The following ARHGAP42 variants were observed in gnomAD, a reference collection of about 807,000 sequenced individuals.
The protein encoded by ARHGAP42 is Rho GTPase activating protein 42, also known as rho GTPase-activating protein 42.
ARHGAP42 carries 63 observed loss-of-function variants against 125.0 expected under a neutral mutation model. The ratio of observed to expected loss-of-function variants is 0.50; its 90% CI spans 0.41 to 0.62. ARHGAP42 has a LOEUF of 0.62. Ranked by LOEUF, ARHGAP42 falls within the 20% of genes least tolerant of loss-of-function variation. ARHGAP42 has a pLI of 0.00. For missense variants in ARHGAP42, 766 were observed against 1,024.2 expected, an observed-to-expected ratio of 0.75 and a Z score of 3.44; for synonymous variants, 339 against 351.0, an observed-to-expected ratio of 0.97 and a Z score of 0.38.
intron 21 of ARHGAP42, 25 bp downstream of exon 21, chr11:100,976,996 T>C: frequency 6.5e-7 from 1 of 1,550,300 alleles, no homozygotes; most frequent in East Asian, 2.4e-5. Context: ...GTATATTTGC[T>C]GTGTCTCCCA....
At chr11:100,786,973 T>C (rs1362990851) in intron 2 of ARHGAP42, among the ~76,000 whole-genome samples, 1 of 152,222 alleles carries the variant, frequency 6.6e-6, no homozygotes, top group Admixed American at 6.5e-5. Flanking sequence ...TCATGAAGTC[T>C]GTTGGTTTAA....
chr11:100,819,525 T>C (rs77305222), intron 3 of ARHGAP42, among the ~76,000 whole-genome samples: 1,814 of 152,234 alleles, frequency 0.012, 33 homozygotes, highest in African/African-American at 0.04. Context: ...TTGCAATGTT[T>C]TAGGAGAGGT....
intron 12 of ARHGAP42, among the ~76,000 whole-genome samples, chr11:100,953,685 A>T (rs1228019213): frequency 6.6e-6 from 1 of 152,124 alleles, no homozygotes; most frequent in Non-Finnish European, 1.5e-5. Context: ...GGATGCCATA[A>T]ATGAGACTTG....
chr11:100,968,523 T>C (rs982338723), intron 17 of ARHGAP42, among the ~76,000 whole-genome samples: 3 of 152,172 alleles, frequency 2.0e-5, no homozygotes, highest in Non-Finnish European at 4.4e-5. Context: ...TGTGCTATCA[T>C]TAATAAACAT....
At chr11:100,784,234 A>T (rs1863380599) in intron 2 of ARHGAP42, among the ~76,000 whole-genome samples, 1 of 152,238 alleles carries the variant, frequency 6.6e-6, no homozygotes, top group East Asian at 1.9e-4. Context: ...TCTTGGACTA[A>T]GTTACATAGG....
intron 3 of ARHGAP42, among the ~76,000 whole-genome samples, chr11:100,815,672 A>C (rs1864250850): frequency 6.6e-6 from 1 of 152,204 alleles, no homozygotes; most frequent in African/African-American, 2.4e-5. Context: ...ATTCCATATA[A>C]TGTACCATCT....
At chr11:100,729,999 C>T (rs979090654) in intron 1 of ARHGAP42, among the ~76,000 whole-genome samples, 1 of 151,774 alleles carries the variant, frequency 6.6e-6, no homozygotes, top group Non-Finnish European at 1.5e-5. Flanking sequence ...TTAGTAGAGA[C>T]GAGGTTTCAT....
At chr11:100,947,004 T>C (rs2135279695) in intron 10 of ARHGAP42, among the ~76,000 whole-genome samples, 1 of 151,024 alleles carries the variant, frequency 6.6e-6, no homozygotes, top group East Asian at 1.9e-4. Flanking sequence ...TGCTGTAAAC[T>C]GTGTTGACTC....
chr11:100,759,744 G>A (rs2120354490), intron 1 of ARHGAP42, among the ~76,000 whole-genome samples: 1 of 152,230 alleles, frequency 6.6e-6, no homozygotes, highest in South Asian at 2.1e-4. Flanking sequence ...TGCCTCAGAG[G>A]AAATATCAGG....
At chr11:100,773,235 T>A (rs907614060) in intron 2 of ARHGAP42, among the ~76,000 whole-genome samples, 1 of 152,220 alleles carries the variant, frequency 6.6e-6, no homozygotes, top group South Asian at 2.1e-4. Context: ...CAGATCCTAA[T>A]AGTAGACCCT....
intron 6 of ARHGAP42, among the ~76,000 whole-genome samples, chr11:100,929,376 A>G (rs1326537854): frequency 6.6e-6 from 1 of 152,140 alleles, no homozygotes; most frequent in African/African-American, 2.4e-5. Context: ...CAGCCCAGGG[A>G]TTGGGGACCC....
At chr11:100,842,887 A>G (rs1864974440) in intron 3 of ARHGAP42, among the ~76,000 whole-genome samples, 1 of 152,152 alleles carries the variant, frequency 6.6e-6, no homozygotes, top group Non-Finnish European at 1.5e-5. Context: ...ACAAACAGAC[A>G]ATCTAAGATC....
At chr11:100,939,833 A>AG (rs2135270032) in intron 8 of ARHGAP42, among the ~76,000 whole-genome samples, 2 of 152,308 alleles carry the variant, frequency 1.3e-5, no homozygotes, top group South Asian at 4.1e-4. Flanking sequence ...TAAATGCAGG[A>AG]GGTCCTGAAC....
chr11:100,690,519 T>C (rs1021495337), intron 1 of ARHGAP42, among the ~76,000 whole-genome samples: 3 of 152,226 alleles, frequency 2.0e-5, no homozygotes, highest in Non-Finnish European at 4.4e-5. Flanking sequence ...AGATTTCAAT[T>C]GAACTAGATA....
chr11:100,872,331 T>G (rs1198054714), intron 4 of ARHGAP42, among the ~76,000 whole-genome samples: 1 of 152,212 alleles, frequency 6.6e-6, no homozygotes, highest in Non-Finnish European at 1.5e-5. Context: ...CCTAGTAGAC[T>G]TTTTGGTGAG....
intron 6 of ARHGAP42, 55 bp downstream of exon 6, chr11:100,921,659 A>C (rs1867273182): frequency 9.3e-7 from 1 of 1,077,830 alleles, no homozygotes; most frequent in Non-Finnish European, 1.3e-6. Flanking sequence ...ATGGAAAAAA[A>C]GTACACTGTT....
chr11:100,974,882 C>G (rs1858348500), intron 19 of ARHGAP42, among the ~76,000 whole-genome samples: 1 of 152,124 alleles, frequency 6.6e-6, no homozygotes, highest in Non-Finnish European at 1.5e-5. Flanking sequence ...GTAGCAGGTT[C>G]TGTCCTATTG....
intron 4 of ARHGAP42, among the ~76,000 whole-genome samples, chr11:100,876,702 A>G (rs1325313907): frequency 6.6e-6 from 1 of 152,200 alleles, no homozygotes; most frequent in African/African-American, 2.4e-5. Context: ...CAAGCAATAT[A>G]TTTGCAACTG....
At chr11:100,825,336 C>G (rs895828147) in intron 3 of ARHGAP42, among the ~76,000 whole-genome samples, 5 of 152,024 alleles carry the variant, frequency 3.3e-5, no homozygotes, top group Non-Finnish European at 5.9e-5. Context: ...AGAGGGCATA[C>G]CGATTTAATA....
Sources: gnomAD v4.1 joint callset for allele counts (sites outside exome capture counted in the v4.1 genomes callset) on GRCh38, gnomAD v4.1.1 for gene constraint, MANE v1.5 for transcripts, NCBI Gene and HGNC (gene_info 2026-07-23, HGNC 2026-07-21) for gene names.